The following ZFP82 variants were observed in gnomAD, a reference collection of about 807,000 sequenced individuals.
ZFP82 encodes ZFP82 zinc finger protein, also known as zinc finger protein 82 homolog.
Under a neutral mutation model 54.0 loss-of-function variants are expected in ZFP82, and 30 were observed. The observed-to-expected ratio is 0.56, with a 90% confidence interval of 0.42 to 0.75. The LOEUF is 0.75. Among genes scored for constraint, ZFP82 ranks in the 30% least tolerant of loss-of-function variants. The probability of loss-of-function intolerance (pLI) is 0.00; values close to 1 mark genes in which losing one functional copy is unlikely to be tolerated. For missense variants in ZFP82, 500 were observed against 636.8 expected (o/e 0.79, Z 2.31); for synonymous variants, 194 against 209.5 (o/e 0.93, Z 0.64).
At chr19:36,405,073 A>T (rs912895915) in intron 4 of ZFP82, among the ~76,000 whole-genome samples, 6 of 151,804 alleles carry the variant, frequency 4.0e-5, no homozygotes, top group African/African-American at 1.2e-4. Flanking sequence ...AAACCCAGCT[A>T]CTCAGAAGGC....
chr19:36,400,720 C>T (rs1402783154), intron 4 of ZFP82, among the ~76,000 whole-genome samples: 4 of 152,202 alleles, frequency 2.6e-5, no homozygotes. Flanking sequence ...CCGATAGAAT[C>T]ATTCCTATGA....
intron 1 of ZFP82, among the ~76,000 whole-genome samples, chr19:36,416,635 A>G (rs1298360995): frequency 6.6e-6 from 1 of 151,906 alleles, no homozygotes; most frequent in Non-Finnish European, 1.5e-5. Flanking sequence ...ATATGCCTGT[A>G]ATCCCAGCTA....
At chr19:36,413,881 T>G (rs1041976499) in intron 1 of ZFP82, among the ~76,000 whole-genome samples, 2 of 151,490 alleles carry the variant, frequency 1.3e-5, no homozygotes, top group Non-Finnish European at 2.9e-5. Context: ...TTCCACTATT[T>G]TAAAAATTAT....
intron 1 of ZFP82, among the ~76,000 whole-genome samples, chr19:36,411,120 G>GC (rs746499530): frequency 6.0e-5 from 9 of 150,806 alleles, no homozygotes; most frequent in Admixed American, 3.3e-4. Context: ...TTGGACCTAG[G>GC]GGGGCGGAGG....
chr19:36,405,796 A>G (rs2032472302), intron 3 of ZFP82, 124 bp from the exon 4 acceptor site: 1 of 570,884 alleles, frequency 1.8e-6, no homozygotes, highest in East Asian at 2.9e-5. Context: ...AATAAGTGAA[A>G]GATGTTTTAA....
intron 2 of ZFP82, 33 bp downstream of exon 2, chr19:36,409,748 T>C: frequency 6.2e-7 from 1 of 1,612,206 alleles, no homozygotes; most frequent in Non-Finnish European, 8.5e-7. Context: ...AACCTTAACA[T>C]GATAGTATTC....
chr19:36,410,512 GTTTT>G (rs1221176800), intron 1 of ZFP82, among the ~76,000 whole-genome samples: 1 of 151,410 alleles, frequency 6.6e-6, no homozygotes, highest in Non-Finnish European at 1.5e-5. Flanking sequence ...TCTTGTTTTT[GTTTT>G]TTTGAGATGG....
chr19:36,415,549 A>T (rs1353645392), intron 1 of ZFP82, among the ~76,000 whole-genome samples: 2 of 151,992 alleles, frequency 1.3e-5, no homozygotes, highest in Non-Finnish European at 2.9e-5. Flanking sequence ...CACTGTGCCC[A>T]GCTAATTTTT....
chr19:36,408,233 C>T (rs534601440), intron 2 of ZFP82, among the ~76,000 whole-genome samples: 2 of 152,148 alleles, frequency 1.3e-5, no homozygotes, highest in East Asian at 1.9e-4. Context: ...GACTCTTATA[C>T]TCTGGCAAAT....
At chr19:36,418,244 T>A (rs1414774300) in intron 1 of ZFP82, among the ~76,000 whole-genome samples, 1 of 151,906 alleles carries the variant, frequency 6.6e-6, no homozygotes, top group African/African-American at 2.4e-5. Flanking sequence ...GCTGGGAGTC[T>A]TTGGCGTGCA....
chr19:36,412,076 C>CAGAG (rs373512524), intron 1 of ZFP82, among the ~76,000 whole-genome samples: 46,075 of 93,232 alleles, frequency 0.49, 7,176 homozygotes, highest in Middle Eastern at 0.61. Context: ...GTGAGAGAAA[C>CAGAG]AGAGAGAGAG....
chr19:36,392,686 GATTA>G lies in ZFP82; in HGVS notation c.*51_*54del, dbSNP rs2032220755. ...GCAGTTGCATGTATGGAGCAAAATAGATTAATTACTACATTCATAGAATGTTCTA... is the reference window on the plus strand; with the variant it reads ...GCAGTTGCATGTATGGAGCAAAATAGATTACTACATTCATAGAATGTTCTA... On this transcript the variant is annotated 3_prime_UTR_variant, in exon 5 of 5. Transcript: ENST00000392161. 6.9e-7 allele frequency: 1 copy of G among 1,454,976 alleles called. No individual in the cohort carries two copies. Among genetic ancestry groups the G allele is most frequent in the Non-Finnish European group, 9.1e-7 (1 of 1,098,828 alleles). 90.1% of individuals were successfully genotyped at this position (1,454,976 alleles called of 1,614,324 possible). A position where few individuals can be genotyped will look rare whatever the true frequency, so the allele number is the denominator to read the frequency against.
At chr19:36,396,723 C>T (rs1024160429) in intron 4 of ZFP82, among the ~76,000 whole-genome samples, 2 of 151,776 alleles carry the variant, frequency 1.3e-5, no homozygotes, top group Non-Finnish European at 2.9e-5. Context: ...GTGCTATAGT[C>T]CCAGCTACTT....
In ZFP82 at chr19:36,407,973, G is replaced by A. The variant is rs776326141; in HGVS notation, c.50C>T (p.Pro17Leu). ...CAAGTCCAGGTATTCCCACTCTTCT[G>A]GAGAGAAGTCTATGGATACATCACT... The part of the protein sequence containing the change: ...MFSDVSIDFS[P>L]EEWEYLDLEQ... Residue 17 changes from proline (P) to leucine (L), a missense_variant, in exon 3 of 5, where the codon CCA (proline) becomes CTA (leucine). Transcript: ENST00000392161. The A allele has an allele frequency of 6.2e-7, 1 of 1,614,044 alleles. No homozygotes were observed. Among genetic ancestry groups the A allele is most frequent in the Admixed American group, 1.7e-5 (1 of 60,012 alleles).
At position 36,389,639 on chromosome 19, in the gene ZFP82, G is replaced by A. The variant is rs1055330112; in HGVS notation, c.*3102C>T. Among the ~76,000 whole-genome samples, 3 of 152,060 alleles carry A rather than the reference G, an allele frequency of 2.0e-5. No homozygotes were observed. Among genetic ancestry groups the A allele is most frequent in the African/African-American group, 4.8e-5 (2 of 41,400 alleles). ...TAACATATGAACAATAAATTATTTC[G>A]TATCATTTAGTAACCAATCCATGTT... On this transcript the variant is annotated 3_prime_UTR_variant, in exon 5 of 5. Coordinates refer to ENST00000392161, the MANE Select transcript of ZFP82 (RefSeq NM_133466.4).
downstream of ZFP82, among the ~76,000 whole-genome samples, chr19:36,385,010 G>T: frequency 6.6e-6 from 1 of 152,122 alleles, no homozygotes; most frequent in Non-Finnish European, 1.5e-5. Context: ...TTTGTGGAAG[G>T]TGCTGTGGTT....
Position 36,392,661 on chromosome 19 carries a change from G to A in ZFP82, c.*80C>T, listed in dbSNP as rs1043578798. On this transcript the variant is annotated 3_prime_UTR_variant, in exon 5 of 5. Transcript: ENST00000392161. ...ATGGTATAAAACCTCTAATGCCAAC[G>A]CAGTTGCATGTATGGAGCAAAATAG... 26 of 1,245,472 alleles carry A rather than the reference G, an allele frequency of 2.1e-5. No individual in the cohort carries two copies. The highest frequency in any genetic ancestry group is 4.5e-5 in the African/African-American group (3 of 66,276). 77.2% of individuals were successfully genotyped at this position (1,245,472 alleles called of 1,614,324 possible).
intron 4 of ZFP82, among the ~76,000 whole-genome samples, chr19:36,397,091 ATTT>A (rs35809280): frequency 0.042 from 5,572 of 132,246 alleles, 318 homozygotes; most frequent in African/African-American, 0.14. Flanking sequence ...GCATAAACCA[ATTT>A]TTTTTTTTTT....
chr19:36,395,596 C>T (rs566446623), intron 4 of ZFP82: 1 of 152,040 alleles, frequency 6.6e-6, no homozygotes, highest in Non-Finnish European at 1.5e-5. Context: ...GGCAAGCCAG[C>T]AACAGGAACA....
Sources: allele counts gnomAD v4.1 joint callset (sites outside exome capture counted in the v4.1 genomes callset), GRCh38; gene constraint gnomAD v4.1.1; transcripts MANE v1.5; gene names NCBI Gene and HGNC (gene_info 2026-07-23, HGNC 2026-07-21).